CACNA1B: variants seen among roughly 807,000 people sequenced by gnomAD.
CACNA1B encodes the protein voltage-dependent N-type calcium channel subunit alpha-1B.
Under a neutral mutation model 247.2 loss-of-function variants are expected in CACNA1B, and 70 were observed. That is an observed-to-expected ratio of 0.28 (90% CI 0.23 to 0.35). The LOEUF (loss-of-function observed/expected upper bound fraction) is 0.35, where lower values mean the gene tolerates loss of function less well. Ranked by LOEUF, CACNA1B falls within the 10% of genes least tolerant of loss-of-function variation. The pLI is 1.00. For synonymous variants in CACNA1B, 1,231 were observed against 1,294.4 expected, an observed-to-expected ratio of 0.95 and a Z score of 1.05; for missense variants, 2,367 against 3,197.4, an observed-to-expected ratio of 0.74 and a Z score of 6.26.
intron 31 of CACNA1B, among the ~76,000 whole-genome samples, chr9:138,060,143 A>G (rs1397145646): frequency 6.6e-6 from 1 of 152,168 alleles, no homozygotes; most frequent in Non-Finnish European, 1.5e-5. Context: ...CTCTCTATAT[A>G]TATCTGGAAA....
chr9:137,910,868 C>T (rs939203873), intron 3 of CACNA1B, among the ~76,000 whole-genome samples: 8 of 152,264 alleles, frequency 5.3e-5, no homozygotes, highest in East Asian at 3.9e-4. Flanking sequence ...CTCTGATGCA[C>T]GGAACTTTTT....
chr9:138,088,241 C>A lies in CACNA1B; in HGVS notation c.5095-8243C>A, dbSNP rs552493060. Among the ~76,000 whole-genome samples, 5 of 151,850 alleles carry A rather than the reference C, an allele frequency of 3.3e-5. No individual in the cohort carries two copies. In the East Asian group the frequency reaches 9.7e-4, roughly 30 times the overall value. ...AAAATTAGCCAGTTATGTTGGCGGG[C>A]ACCTGTAAGCCCATCTACTTGGGAG... On this transcript the variant is annotated intron_variant, in intron 36 of 46. Coordinates refer to ENST00000371372, the MANE Select transcript of CACNA1B (RefSeq NM_000718.4).
intron 20 of CACNA1B, among the ~76,000 whole-genome samples, chr9:138,029,403 A>G (rs970374359): frequency 1.3e-5 from 2 of 151,942 alleles, no homozygotes; most frequent in Admixed American, 1.3e-4. Context: ...CTTTTTTTGT[A>G]TGGATGTTGG....
chr9:137,913,160 C>T lies in CACNA1B; in HGVS notation c.531-20C>T. On this transcript the variant is annotated intron_variant, in intron 3 of 46. Transcript: ENST00000371372. The surrounding 1 kb of genome is among the most constrained non-coding windows in gnomAD (Gnocchi z 5.2). ...CAATGTGGAAACCTTTACTTCCCTTCTTCTCCTTGTTTCTGCCAGGATCCT... is the reference window on the plus strand; with the variant it reads ...CAATGTGGAAACCTTTACTTCCCTTTTTCTCCTTGTTTCTGCCAGGATCCT... The T allele has an allele frequency of 6.2e-7, 1 of 1,607,062 alleles. No individual in the cohort carries two copies. The highest frequency in any genetic ancestry group is 8.5e-7 in the Non-Finnish European group (1 of 1,173,800).
intron 18 of CACNA1B, among the ~76,000 whole-genome samples, chr9:138,022,681 GC>G (rs762137111): frequency 6.6e-5 from 10 of 151,668 alleles, no homozygotes; most frequent in Non-Finnish European, 1.0e-4. Flanking sequence ...CTGGCCAGCC[GC>G]CCACCCACCT....
chr9:138,015,848 G>A (rs996729946), intron 18 of CACNA1B, among the ~76,000 whole-genome samples: 8 of 152,172 alleles, frequency 5.3e-5, no homozygotes, highest in African/African-American at 1.9e-4. Context: ...TGTCTTCCTG[G>A]TTCTCTGCTG....
chr9:138,029,806 G>C (rs1958966638), intron 20 of CACNA1B, among the ~76,000 whole-genome samples: 1 of 151,692 alleles, frequency 6.6e-6, no homozygotes, highest in African/African-American at 2.4e-5. Flanking sequence ...ATAGAGATGG[G>C]GTTTCACCAT....
chr9:138,023,284 T>A lies in CACNA1B; in HGVS notation c.2541T>A (p.Pro847=). 6.6e-7 allele frequency: 1 copy of A among 1,515,024 alleles called. No homozygotes were observed. The highest frequency in any genetic ancestry group is 8.8e-7 in the Non-Finnish European group (1 of 1,139,802). 93.8% of individuals were successfully genotyped at this position (1,515,024 alleles called of 1,614,324 possible). The change falls in exon 19 of 47, where the codon CCT becomes CCA. Residue 847 remains proline, a synonymous_variant. Coordinates refer to ENST00000371372, the MANE Select transcript of CACNA1B (RefSeq NM_000718.4). ...EAAEAPEGVD[P]PRRHHRHRDK... Reference sequence around the variant, plus strand: ...CGGAGGCCCCCGAGGGCGTCGACCCTCCGCGCAGGCACCACCGGCACCGCG... The same window carrying A: ...CGGAGGCCCCCGAGGGCGTCGACCCACCGCGCAGGCACCACCGGCACCGCG...
rs1429998122 is a variant in CACNA1B, at chr9:137,877,807, G to GT, written c.-126dup. 4 of 406,628 alleles carry GT rather than the reference G, an allele frequency of 9.8e-6. No individual in the cohort carries two copies. The Admixed American group carries it at 2.6e-4, about 26-fold the overall frequency. 25.2% of individuals were successfully genotyped at this position (406,628 alleles called of 1,614,324 possible). A position where few individuals can be genotyped will look rare whatever the true frequency, so the allele number is the denominator to read the frequency against. ...GGGTGAGGCGGCGGCGGCTGCGGCG[G>GT]TGGGGCCGGGCGAGGTCCGCTGCGG... On this transcript the variant is annotated 5_prime_UTR_variant, in exon 1 of 47. Transcript: ENST00000371372.
In CACNA1B at chr9:138,121,257, C is replaced by T. The variant is rs968908791; in HGVS notation, c.6490-212C>T. 2.0e-5 allele frequency among the ~76,000 whole-genome samples: 3 copies of T among 152,088 alleles called. No individual in the cohort carries two copies. Among genetic ancestry groups the T allele is most frequent in the Admixed American group, 2.0e-4 (3 of 15,274 alleles). Reference sequence around the variant, plus strand: ...CTGTCCCTTCCCATCACCTGCTCTCCCCAACCCCATTCCTGGGCCTGACCC... The same window carrying T: ...CTGTCCCTTCCCATCACCTGCTCTCTCCAACCCCATTCCTGGGCCTGACCC... On this transcript the variant is annotated intron_variant, in intron 46 of 46. Transcript: ENST00000371372. This position sits in a 1 kb window ranked among gnomAD's most constrained non-coding sequence, Gnocchi z 6.8.
chr9:138,063,541 C>T (rs1475520475), intron 31 of CACNA1B, among the ~76,000 whole-genome samples: 1 of 152,174 alleles, frequency 6.6e-6, no homozygotes, highest in Non-Finnish European at 1.5e-5. Context: ...ACCTTTGGAC[C>T]ATGTTGTGAC....
chr9:138,092,882 G>A (rs1390004725), intron 36 of CACNA1B, among the ~76,000 whole-genome samples: 1 of 152,194 alleles, frequency 6.6e-6, no homozygotes, highest in Non-Finnish European at 1.5e-5. Context: ...CCTGCAACAA[G>A]CTCCTGCACA....
chr9:138,098,218 A>T (rs558176608), intron 37 of CACNA1B, among the ~76,000 whole-genome samples: 3 of 152,208 alleles, frequency 2.0e-5, no homozygotes, highest in African/African-American at 7.2e-5. Context: ...GCCCTGTGAT[A>T]CTTACTTCAT....
At chr9:138,117,670 C>T (rs915701133) in intron 42 of CACNA1B, among the ~76,000 whole-genome samples, 2 of 152,196 alleles carry the variant, frequency 1.3e-5, no homozygotes, top group Admixed American at 1.3e-4. Context: ...TAAGCTGGTG[C>T]TCTGCATCCT....
chr9:137,878,711 G>T (rs887849185), intron 1 of CACNA1B, among the ~76,000 whole-genome samples: 1 of 152,166 alleles, frequency 6.6e-6, no homozygotes, highest in Non-Finnish European at 1.5e-5. Flanking sequence ...CCTGCGCGGG[G>T]TCTCCCTCCA....
At chr9:137,989,914 G>A (rs1958412401) in intron 15 of CACNA1B, among the ~76,000 whole-genome samples, 1 of 152,208 alleles carries the variant, frequency 6.6e-6, no homozygotes, top group African/African-American at 2.4e-5. Context: ...TGAATAATTA[G>A]GTCAGAATCG....
At chr9:137,962,950 C>T (rs1958036224) in intron 10 of CACNA1B, among the ~76,000 whole-genome samples, 1 of 152,144 alleles carries the variant, frequency 6.6e-6, no homozygotes, top group Admixed American at 6.5e-5. Flanking sequence ...GATTTTCAGT[C>T]TTGATGATCT....
rs117578802 is a variant in CACNA1B at position 138,083,788 on chromosome 9, C to T, written c.5094+5530C>T. On this transcript the variant is annotated intron_variant, in intron 36 of 46. Coordinates refer to ENST00000371372, the MANE Select transcript of CACNA1B (RefSeq NM_000718.4). The stretch of plus-strand genomic sequence containing the variant: ...GAGACAGACCTGGGGAGTGGAGTTC[C>T]CTGCCTCCCCAGGGCTCAAATGAGA... Among the ~76,000 whole-genome samples the T allele has an allele frequency of 1.0e-3, 156 of 150,426 alleles. 14 individuals carry two copies. In the East Asian group the frequency reaches 0.025, roughly 24 times the overall value.
Position 138,023,409 on chromosome 9 carries a change from A to G in CACNA1B, c.2666A>G (p.His889Arg). 7.5e-7 allele frequency: 1 copy of G among 1,328,742 alleles called. No homozygotes were observed. Among genetic ancestry groups the G allele is most frequent in the South Asian group, 2.0e-5 (1 of 49,216 alleles). 82.3% of individuals were successfully genotyped at this position (1,328,742 alleles called of 1,614,324 possible). Residue 889 changes from histidine to arginine, a missense_variant, in exon 19 of 47, where the codon CAC becomes CGC. Around this residue, in one of 12 missense-constraint regions of CACNA1B, gnomAD observed 631 missense variants for 631.1 expected, o/e 1.00. Transcript: ENST00000371372. Reference protein sequence around the residue: ...PGAREERPRPHRSHSKEAAGP... With the variant: ...PGAREERPRPRRSHSKEAAGP... ...GCCCGGGAGGAGCGGCCGCGGCCGC[A>G]CCGCAGCCACAGCAAGGAGGCCGCG...
Sources: allele counts gnomAD v4.1 joint callset (sites outside exome capture counted in the v4.1 genomes callset), GRCh38; gene constraint gnomAD v4.1.1; regional missense constraint gnomAD v4.1.1; non-coding constraint Gnocchi (gnomAD v3.1); transcripts MANE v1.5; gene names NCBI Gene and HGNC (gene_info 2026-07-23, HGNC 2026-07-21).